The following NT5C1A variants were observed in gnomAD, a reference collection of about 807,000 sequenced individuals.
The protein encoded by NT5C1A is cytosolic 5'-nucleotidase 1A.
Under a neutral mutation model 31.0 loss-of-function variants are expected in NT5C1A, and 18 were observed. The ratio of observed to expected loss-of-function variants is 0.58; its 90% CI spans 0.40 to 0.86. The LOEUF is 0.86. Ranked by LOEUF, NT5C1A falls within the 40% of genes least tolerant of loss-of-function variation. The pLI, the probability that NT5C1A is intolerant of heterozygous loss-of-function variation, is 0.00. For missense variants in NT5C1A, 470 were observed against 505.4 expected (o/e 0.93, Z 0.67); for synonymous variants, 185 against 203.6 (o/e 0.91, Z 0.78).
chr1:39,652,026 G>A lies in NT5C1A; in HGVS notation c.*7095C>T, dbSNP rs185145649. Among the ~76,000 whole-genome samples, 3,928 of 68,724 alleles carry A rather than the reference G, an allele frequency of 0.057. 203 individuals are homozygous for A. Among genetic ancestry groups the A allele is most frequent in the African/African-American group, 0.19 (3,663 of 19,722 alleles). The allele number at this position is 68,724 out of a possible 152,430, so 45.1% of individuals were successfully genotyped here. ...AGCCTGAGTGACAGAGCAAGACTCC[G>A]TCTCAAAAAAAAAAAAAAAAAAAAA... On this transcript the variant is annotated 3_prime_UTR_variant, in exon 6 of 6. Coordinates refer to ENST00000235628, the MANE Select transcript of NT5C1A (RefSeq NM_032526.3).
At chr1:39,670,171 C>A (rs999128515) in intron 1 of NT5C1A, among the ~76,000 whole-genome samples, 45 of 152,298 alleles carry the variant, frequency 3.0e-4, no homozygotes, top group African/African-American at 1.0e-3. Context: ...TGCATGACAA[C>A]AAATTTGAAA....
rs933778253 is a variant in NT5C1A, at chr1:39,663,539, G to A, written c.434-105C>T. On this transcript the variant is annotated intron_variant, in intron 3 of 5. Coordinates refer to ENST00000235628, the MANE Select transcript of NT5C1A (RefSeq NM_032526.3). ...CCATCCTAGTTCTGGGTGTGGTACGGCAGCACAGCGTGTCTCAGTGTAATT... is the reference window on the plus strand; with the variant it reads ...CCATCCTAGTTCTGGGTGTGGTACGACAGCACAGCGTGTCTCAGTGTAATT... 173 of 1,146,066 alleles carry A rather than the reference G, an allele frequency of 1.5e-4. 1 individual carries two copies. In the Middle Eastern group the frequency reaches 3.0e-3, roughly 20 times the overall value. The allele number at this position is 1,146,066 out of a possible 1,614,324, so 71.0% of individuals were successfully genotyped here.
chr1:39,671,448 A>G (rs1646551187), intron 1 of NT5C1A, among the ~76,000 whole-genome samples: 1 of 152,206 alleles, frequency 6.6e-6, no homozygotes, highest in African/African-American at 2.4e-5. Flanking sequence ...CCCAGGACCC[A>G]GAGCCAGACC....
At chr1:39,662,638 C>T (rs1483536913) in intron 4 of NT5C1A, among the ~76,000 whole-genome samples, 1 of 152,154 alleles carries the variant, frequency 6.6e-6, no homozygotes, top group Non-Finnish European at 1.5e-5. Context: ...AGAAACTTGC[C>T]ACTAGTGTTC....
chr1:39,663,573 G>A, intron 3 of NT5C1A, 139 bp from the exon 4 acceptor site: 1 of 798,836 alleles, frequency 1.3e-6, no homozygotes, highest in Non-Finnish European at 2.0e-6. Context: ...TTTTAGGCCA[G>A]TGTTCCCCTC....
intron 1 of NT5C1A, among the ~76,000 whole-genome samples, chr1:39,669,579 G>A (rs952115172): frequency 6.6e-6 from 1 of 152,222 alleles, no homozygotes; most frequent in African/African-American, 2.4e-5. Flanking sequence ...GGAAGGAATA[G>A]GAGCTGGGAA....
At chr1:39,659,779 C>A (rs1274190818) in intron 5 of NT5C1A, among the ~76,000 whole-genome samples, 1 of 152,172 alleles carries the variant, frequency 6.6e-6, no homozygotes, top group Non-Finnish European at 1.5e-5. Context: ...TCCTGAAGGT[C>A]TGTAACTGTG....
chr1:39,653,610 G>A lies in NT5C1A; in HGVS notation c.*5511C>T, dbSNP rs557474523. 7.7e-4 allele frequency among the ~76,000 whole-genome samples: 118 copies of A among 152,336 alleles called. 1 individual carries two copies. The highest frequency in any genetic ancestry group is 8.8e-5 in the Non-Finnish European group (6 of 68,038). ...TTGGCTGGCTAGAGCTAACCGTGGG[G>A]AGAGTCCAGCGCAGCACTAAGTCAG... On this transcript the variant is annotated 3_prime_UTR_variant, in exon 6 of 6. Transcript: ENST00000235628.
Position 39,672,046 on chromosome 1 carries a change from C to T in NT5C1A, c.-8G>A. 1 of 1,588,022 alleles carries T rather than the reference C, an allele frequency of 6.3e-7. No homozygotes were observed. The highest frequency in any genetic ancestry group is 8.5e-7 in the Non-Finnish European group (1 of 1,173,824). On this transcript the variant is annotated 5_prime_UTR_variant, in exon 1 of 6. Transcript: ENST00000235628. ...GGGCTGCCCAGGTTCCATGCTCCGG[C>T]TCTGACCCGGCCCGGCCAGAGCAGG...
At chr1:39,668,244 G>A (rs1447391976) in intron 1 of NT5C1A, among the ~76,000 whole-genome samples, 1 of 152,168 alleles carries the variant, frequency 6.6e-6, no homozygotes, top group East Asian at 1.9e-4. Context: ...TGGGCTTACT[G>A]CCCCAGGGAC....
intron 3 of NT5C1A, among the ~76,000 whole-genome samples, chr1:39,664,016 C>A (rs1303788107): frequency 1.3e-5 from 2 of 152,144 alleles, no homozygotes; most frequent in Non-Finnish European, 2.9e-5. Context: ...GTATGTCACA[C>A]AGGTGGTTAA....
Position 39,659,115 on chromosome 1 carries a change from G to GT in NT5C1A, c.*5dup. On this transcript the variant is annotated 3_prime_UTR_variant, in exon 6 of 6. Transcript: ENST00000235628. ...GCAATGTGGATCAGTAAAGCCGGTG[G>GT]TTCAGCTACTGTGCAGATGGGGCCT... 1 of 1,582,102 alleles carries GT rather than the reference G, an allele frequency of 6.3e-7. No homozygotes were observed. The highest frequency in any genetic ancestry group is 1.7e-5 in the Admixed American group (1 of 57,228).
chr1:39,665,948 T>C (rs1646519283), intron 2 of NT5C1A, 121 bp downstream of exon 2: 3 of 923,492 alleles, frequency 3.2e-6, no homozygotes, highest in Non-Finnish European at 4.9e-6. Context: ...CCAAGCTGTG[T>C]ACCTGTGTGG....
At chr1:39,659,850 C>G (rs1646484119) in intron 5 of NT5C1A, among the ~76,000 whole-genome samples, 1 of 152,132 alleles carries the variant, frequency 6.6e-6, no homozygotes, top group African/African-American at 2.4e-5. Flanking sequence ...GGCATGGGCG[C>G]CCTCCAATCA....
At chr1:39,666,352 C>G (rs1419241903) in intron 1 of NT5C1A, 116 bp from the exon 2 acceptor site, 1 of 956,996 alleles carries the variant, frequency 1.0e-6, no homozygotes, top group South Asian at 1.6e-5. Context: ...CCAGTCTCTA[C>G]CTAAAGAGGC....
Position 39,663,446 on chromosome 1 carries a change from G to T in NT5C1A, c.434-12C>A. 6.2e-7 allele frequency: 1 copy of T among 1,613,850 alleles called. No homozygotes were observed. Among genetic ancestry groups the T allele is most frequent in the Non-Finnish European group, 8.5e-7 (1 of 1,179,912 alleles). Reference sequence around the variant, plus strand: ...CTCGATGAACAGGTCTGGGAAGGAGGTAAAGGACCCAGGTGAGGCCAGGGT... The same window carrying T: ...CTCGATGAACAGGTCTGGGAAGGAGTTAAAGGACCCAGGTGAGGCCAGGGT... On this transcript the variant is annotated splice_polypyrimidine_tract_variant and intron_variant, in intron 3 of 5. Transcript: ENST00000235628.
chr1:39,662,734 G>A (rs924886710), intron 4 of NT5C1A, among the ~76,000 whole-genome samples: 3 of 152,248 alleles, frequency 2.0e-5, no homozygotes, highest in Middle Eastern at 3.4e-3. Context: ...TACGCACCTC[G>A]TTGGGAGGAC....
chr1:39,671,508 C>G (rs1415921478), intron 1 of NT5C1A, among the ~76,000 whole-genome samples: 5 of 152,232 alleles, frequency 3.3e-5, no homozygotes, highest in Non-Finnish European at 5.9e-5. Context: ...TGGCGGAGAC[C>G]GGAGCGCACA....
intron 5 of NT5C1A, among the ~76,000 whole-genome samples, chr1:39,659,719 G>T (rs1408889407): frequency 2.6e-5 from 4 of 152,238 alleles, no homozygotes; most frequent in African/African-American, 7.2e-5. Flanking sequence ...CAGGGCAACT[G>T]TTGATATGTA....
Sources: gnomAD v4.1 joint callset for allele counts (sites outside exome capture counted in the v4.1 genomes callset) on GRCh38, gnomAD v4.1.1 for gene constraint, MANE v1.5 for transcripts, NCBI Gene and HGNC (gene_info 2026-07-23, HGNC 2026-07-21) for gene names.